The following OCA2 variants were observed in gnomAD, a reference collection of about 807,000 sequenced individuals.
OCA2 encodes the protein OCA2 melanosomal transmembrane protein.
A neutral mutation model predicts 100.2 loss-of-function variants in OCA2; 77 were observed. The ratio of observed to expected loss-of-function variants is 0.77; its 90% CI spans 0.64 to 0.93. OCA2 has a LOEUF of 0.93. Among genes scored for constraint, OCA2 ranks in the 40% least tolerant of loss-of-function variants. The probability of loss-of-function intolerance (pLI) is 0.00; values close to 1 mark genes in which losing one functional copy is unlikely to be tolerated. For synonymous variants in OCA2, 432 were observed against 439.2 expected, an observed-to-expected ratio of 0.98 and a Z score of 0.21; for missense variants, 1,062 against 1,089.1, an observed-to-expected ratio of 0.98 and a Z score of 0.35.
chr15:27,833,418 T>C (rs2035035035), intron 23 of OCA2, among the ~76,000 whole-genome samples: 2 of 152,226 alleles, frequency 1.3e-5, no homozygotes, highest in African/African-American at 4.8e-5. Context: ...GAGATTGTTT[T>C]AGAAGAAGAC....
chr15:27,834,835 G>A (rs935732560), intron 23 of OCA2, among the ~76,000 whole-genome samples: 3 of 152,146 alleles, frequency 2.0e-5, no homozygotes, highest in Non-Finnish European at 4.4e-5. Context: ...GTAAACACGA[G>A]GTGCTGCACA....
At chr15:27,963,023 T>C (rs1334465444) in intron 15 of OCA2, among the ~76,000 whole-genome samples, 5 of 152,170 alleles carry the variant, frequency 3.3e-5, no homozygotes, top group African/African-American at 1.2e-4. Flanking sequence ...GAGCAAAGAA[T>C]ATTATCATGG....
intron 18 of OCA2, among the ~76,000 whole-genome samples, chr15:27,948,505 C>T (rs1050440239): frequency 1.3e-5 from 2 of 152,004 alleles, no homozygotes; most frequent in African/African-American, 4.8e-5. Context: ...CTGGCTCTGT[C>T]ATCGAGGCTG....
chr15:27,845,504 C>A (rs1048280427), intron 22 of OCA2, among the ~76,000 whole-genome samples: 1 of 152,198 alleles, frequency 6.6e-6, no homozygotes, highest in South Asian at 2.1e-4. Context: ...CCAGGTGGAA[C>A]CCCTTTCCTT....
intron 4 of OCA2, among the ~76,000 whole-genome samples, chr15:28,026,797 G>A (rs115473137): frequency 0.02 from 3,112 of 152,258 alleles, 59 homozygotes; most frequent in African/African-American, 0.051. Flanking sequence ...CCAACCAACC[G>A]CGAGCATCTT....
intron 2 of OCA2, among the ~76,000 whole-genome samples, chr15:28,049,781 T>G (rs959953747): frequency 1.3e-5 from 2 of 152,146 alleles, no homozygotes; most frequent in African/African-American, 4.8e-5. Flanking sequence ...GAAAGGAAAT[T>G]GCAGGTTCCA....
intron 19 of OCA2, among the ~76,000 whole-genome samples, chr15:27,873,650 T>C (rs932744303): frequency 6.6e-6 from 1 of 152,186 alleles, no homozygotes; most frequent in Non-Finnish European, 1.5e-5. Flanking sequence ...TATTTACATA[T>C]TTAGTGTCAT....
At chr15:27,779,056 G>A (rs115184034) in intron 23 of OCA2, among the ~76,000 whole-genome samples, 1,981 of 152,264 alleles carry the variant, frequency 0.013, 55 homozygotes, top group African/African-American at 0.045. Flanking sequence ...AAACTGTTAG[G>A]CATTAAAGTA....
intron 19 of OCA2, among the ~76,000 whole-genome samples, chr15:27,923,524 G>C (rs1220766848): frequency 6.6e-6 from 1 of 152,168 alleles, no homozygotes; most frequent in South Asian, 2.1e-4. Flanking sequence ...ATTAGCATGT[G>C]TTATTTGTTG....
Position 28,021,594 on chromosome 15 carries a change from G to C in OCA2, c.646+907C>G, listed in dbSNP as rs147287260. ...ATGGAGGTGTTCACATTTTCTTGCA[G>C]GCTTTTCCTCCAGGAACCCCAGCGG... On this transcript the variant is annotated intron_variant, in intron 6 of 23. Coordinates refer to ENST00000354638, the MANE Select transcript of OCA2 (RefSeq NM_000275.3). 6.0e-3 allele frequency among the ~76,000 whole-genome samples: 911 copies of C among 152,320 alleles called. 8 individuals carry two copies. Among genetic ancestry groups the C allele is most frequent in the South Asian group, 0.035 (167 of 4,828 alleles).
intron 18 of OCA2, among the ~76,000 whole-genome samples, chr15:27,927,027 C>A (rs141929292): frequency 6.6e-6 from 1 of 152,302 alleles, no homozygotes. Flanking sequence ...CGATGGCTCA[C>A]GCCTGTAATC....
chr15:27,890,301 G>C (rs1442089697), intron 19 of OCA2, among the ~76,000 whole-genome samples: 1 of 152,150 alleles, frequency 6.6e-6, no homozygotes, highest in Non-Finnish European at 1.5e-5. Flanking sequence ...AGGAATAAAG[G>C]CTGAAATTTT....
chr15:28,073,401 C>T (rs563356402), intron 2 of OCA2, among the ~76,000 whole-genome samples: 31 of 152,160 alleles, frequency 2.0e-4, no homozygotes, highest in African/African-American at 5.1e-4. Flanking sequence ...GCAACAAGAG[C>T]GAAACTCCAT....
At chr15:28,013,692 C>T (rs946536104) in intron 9 of OCA2, among the ~76,000 whole-genome samples, 3 of 152,166 alleles carry the variant, frequency 2.0e-5, no homozygotes, top group African/African-American at 7.2e-5. Context: ...CAGAAGCCCA[C>T]TCCTGGGTTC....
chr15:27,903,847 T>A (rs1376754320), intron 19 of OCA2, among the ~76,000 whole-genome samples: 2 of 152,280 alleles, frequency 1.3e-5, no homozygotes, highest in Non-Finnish European at 2.9e-5. Flanking sequence ...CTAAAAGAAT[T>A]TTTACATGAA....
chr15:28,081,888 T>C lies in OCA2; in HGVS notation c.-14A>G. 6.2e-7 allele frequency: 1 copy of C among 1,606,664 alleles called. No homozygotes were observed. The highest frequency in any genetic ancestry group is 8.5e-7 in the Non-Finnish European group (1 of 1,177,972). The stretch of plus-strand genomic sequence containing the variant: ...CTCCAGATGCATGCTCCACTGCCAG[T>C]CTTCTCTCTAGGGCAGCCAGAAAGA... On this transcript the variant is annotated 5_prime_UTR_variant, in exon 2 of 24. Transcript: ENST00000354638.
the OCA2 span, among the ~76,000 whole-genome samples, chr15:27,728,753 AC>A: frequency 6.6e-6 from 1 of 152,004 alleles, no homozygotes; most frequent in Non-Finnish European, 1.5e-5. Context: ...CCCTTTCTTT[AC>A]CCCGTCAAAG....
intron 1 of OCA2, among the ~76,000 whole-genome samples, chr15:28,087,635 T>C (rs1321212456): frequency 1.3e-5 from 2 of 152,116 alleles, no homozygotes; most frequent in Non-Finnish European, 2.9e-5. Flanking sequence ...TAGTCCCAGC[T>C]ACTCAGGAGG....
At chr15:27,970,490 G>A (rs2040738744) in intron 14 of OCA2, among the ~76,000 whole-genome samples, 1 of 151,994 alleles carries the variant, frequency 6.6e-6, no homozygotes, top group Admixed American at 6.6e-5. Flanking sequence ...CGGCATGGTG[G>A]GAAAATATGA....
Sources: gnomAD v4.1 joint callset for allele counts (sites outside exome capture counted in the v4.1 genomes callset) on GRCh38, gnomAD v4.1.1 for gene constraint, MANE v1.5 for transcripts, NCBI Gene and HGNC (gene_info 2026-07-23, HGNC 2026-07-21) for gene names.